Variants in LYPD6 observed in about 807,000 individuals in gnomAD.
LYPD6 encodes LY6/PLAUR domain containing 6.
LYPD6 carries 15 observed loss-of-function variants against 22.7 expected under a neutral mutation model. The observed-to-expected ratio is 0.66, with a 90% confidence interval of 0.44 to 1.02. The LOEUF (loss-of-function observed/expected upper bound fraction) is 1.02, where lower values mean the gene tolerates loss of function less well. Ranked by LOEUF, LYPD6 falls within the 50% of genes least tolerant of loss-of-function variation. The pLI, the probability that LYPD6 is intolerant of heterozygous loss-of-function variation, is 0.00. For missense variants in LYPD6, 189 were observed against 208.4 expected (o/e 0.91, Z 0.57); for synonymous variants, 72 against 77.5 (o/e 0.93, Z 0.37).
At chr2:149,343,450 C>T (rs936654449) in intron 1 of LYPD6, among the ~76,000 whole-genome samples, 1 of 152,174 alleles carries the variant, frequency 6.6e-6, no homozygotes, top group African/African-American at 2.4e-5. Flanking sequence ...CAAATTTCTG[C>T]CACTCCCAGC....
intron 1 of LYPD6, among the ~76,000 whole-genome samples, chr2:149,349,749 A>C (rs1183233778): frequency 6.6e-6 from 1 of 152,230 alleles, no homozygotes; most frequent in Non-Finnish European, 1.5e-5. Context: ...TTTTAAGTAC[A>C]TATGTTATCA....
At chr2:149,405,949 GT>G (rs1682694615) in intron 1 of LYPD6, among the ~76,000 whole-genome samples, 1 of 148,394 alleles carries the variant, frequency 6.7e-6, no homozygotes, top group South Asian at 2.2e-4. Flanking sequence ...GTTCTCATTG[GT>G]TTCAAAGAAC....
intron 1 of LYPD6, among the ~76,000 whole-genome samples, chr2:149,418,937 A>T (rs972350244): frequency 1.3e-5 from 2 of 152,234 alleles, no homozygotes; most frequent in Admixed American, 1.3e-4. Flanking sequence ...AAAACCTGGC[A>T]TATGAAACCA....
intron 1 of LYPD6, among the ~76,000 whole-genome samples, chr2:149,412,690 A>G (rs750348589): frequency 5.3e-5 from 8 of 152,216 alleles, no homozygotes; most frequent in South Asian, 2.1e-4. Context: ...TCAGTTTTCA[A>G]TATTGCATTG....
At chr2:149,404,211 T>C (rs917880950) in intron 1 of LYPD6, among the ~76,000 whole-genome samples, 3 of 152,206 alleles carry the variant, frequency 2.0e-5, no homozygotes, top group Admixed American at 1.3e-4. Flanking sequence ...GACTTGGCGA[T>C]GCGGGCTCTT....
intron 1 of LYPD6, among the ~76,000 whole-genome samples, chr2:149,380,318 C>G (rs965836253): frequency 2.0e-5 from 3 of 152,180 alleles, no homozygotes; most frequent in Non-Finnish European, 4.4e-5. Context: ...TAAGACATAA[C>G]TTATCTTTTA....
At chr2:149,380,163 G>A (rs1385648937) in intron 1 of LYPD6, among the ~76,000 whole-genome samples, 3 of 152,182 alleles carry the variant, frequency 2.0e-5, no homozygotes, top group African/African-American at 7.2e-5. Context: ...AGCAAGCGGT[G>A]GAATGATCCT....
intron 1 of LYPD6, among the ~76,000 whole-genome samples, chr2:149,390,538 A>G (rs1335947718): frequency 6.6e-6 from 1 of 152,192 alleles, no homozygotes; most frequent in Non-Finnish European, 1.5e-5. Context: ...TCCTACTTAG[A>G]GACAGCTAAC....
intron 1 of LYPD6, among the ~76,000 whole-genome samples, chr2:149,414,735 G>T (rs376658688): frequency 2.0e-4 from 30 of 152,132 alleles, no homozygotes; most frequent in African/African-American, 6.8e-4. Context: ...GTACCCTGGG[G>T]TTATGAAATA....
intron 3 of LYPD6, among the ~76,000 whole-genome samples, chr2:149,457,907 A>G (rs1334435377): frequency 1.3e-5 from 2 of 152,218 alleles, no homozygotes; most frequent in Admixed American, 6.5e-5. Context: ...TTTCAGTCTC[A>G]TATATTCTAG....
At chr2:149,407,542 G>C (rs571677717) in intron 1 of LYPD6, among the ~76,000 whole-genome samples, 4 of 152,268 alleles carry the variant, frequency 2.6e-5, no homozygotes, top group Admixed American at 1.3e-4. Flanking sequence ...TGAAGCTTCT[G>C]CATTCTTTGC....
At chr2:149,456,004 C>T (rs1680949415) in intron 3 of LYPD6, among the ~76,000 whole-genome samples, 1 of 152,144 alleles carries the variant, frequency 6.6e-6, no homozygotes, top group Non-Finnish European at 1.5e-5. Context: ...GTTTGATGAG[C>T]ATTTATTTGT....
At chr2:149,475,324 TC>T (rs1681432040), downstream of LYPD6, among the ~76,000 whole-genome samples, 1 of 152,162 alleles carries the variant, frequency 6.6e-6, no homozygotes, top group African/African-American at 2.4e-5. Flanking sequence ...CAGATATTTT[TC>T]TAAGATTGCA....
At chr2:149,392,076 A>C (rs1328314139) in intron 1 of LYPD6, among the ~76,000 whole-genome samples, 5 of 152,186 alleles carry the variant, frequency 3.3e-5, no homozygotes, top group Non-Finnish European at 5.9e-5. Flanking sequence ...CCTGGCTTAC[A>C]GACTTTTGCC....
chr2:149,411,165 TGGG>T (rs1343507581), intron 1 of LYPD6, among the ~76,000 whole-genome samples: 3 of 151,984 alleles, frequency 2.0e-5, no homozygotes, highest in Non-Finnish European at 2.9e-5. Context: ...CAAATGGGAG[TGGG>T]GTCCAGCAGT....
intron 1 of LYPD6, among the ~76,000 whole-genome samples, chr2:149,348,698 C>T (rs1184090831): frequency 2.0e-5 from 3 of 152,234 alleles, no homozygotes; most frequent in African/African-American, 7.2e-5. Context: ...TCTCTTCCTT[C>T]CTTCTTTGTG....
rs1161024591 is a variant in LYPD6 at position 149,355,379 on chromosome 2, TATCTC to T, written c.-72+24660_-72+24664del. Among the ~76,000 whole-genome samples the T allele has an allele frequency of 9.2e-5, 14 of 152,366 alleles. No individual in the cohort carries two copies. The East Asian group carries it at 2.7e-3, about 29-fold the overall frequency. ...ATGAGACATGGTCTTCAATTAATCTTATCTCATAAACATTAGCATTTTAAATACTT... is the reference window on the plus strand; with the variant it reads ...ATGAGACATGGTCTTCAATTAATCTTATAAACATTAGCATTTTAAATACTT... On this transcript the variant is annotated intron_variant, in intron 1 of 4. Coordinates refer to ENST00000334166, the MANE Select transcript of LYPD6 (RefSeq NM_194317.5).
In LYPD6 at chr2:149,472,824, G is replaced by A. The variant is rs1558820991; in HGVS notation, c.*1974G>A. The A allele has an allele frequency of 6.6e-6, 1 of 152,610 alleles. No individual in the cohort carries two copies. The highest frequency in any genetic ancestry group is 1.5e-5 in the Non-Finnish European group (1 of 68,030). The allele number at this position is 152,610 out of a possible 1,614,324, so 9.5% of individuals were successfully genotyped here. ...GCTGTTTCCTTCAGATTTAGGTTAT[G>A]TGGGATGATGTGGGATTGAAGAGGA... On this transcript the variant is annotated 3_prime_UTR_variant, in exon 5 of 5. Coordinates refer to ENST00000334166, the MANE Select transcript of LYPD6 (RefSeq NM_194317.5).
intron 1 of LYPD6, among the ~76,000 whole-genome samples, chr2:149,398,471 T>C (rs1460646641): frequency 6.6e-6 from 1 of 151,838 alleles, no homozygotes; most frequent in Non-Finnish European, 1.5e-5. Context: ...ACACTCGTTT[T>C]GTTGTTTTTG....
Sources: allele counts gnomAD v4.1 joint callset (sites outside exome capture counted in the v4.1 genomes callset), GRCh38; gene constraint gnomAD v4.1.1; transcripts MANE v1.5; gene names NCBI Gene and HGNC (gene_info 2026-07-23, HGNC 2026-07-21).